PCDH15: variants seen among roughly 807,000 people sequenced by gnomAD.
PCDH15 encodes the protein protocadherin related 15.
Under a neutral mutation model 178.5 loss-of-function variants are expected in PCDH15, and 129 were observed. The observed-to-expected ratio is 0.72, with a 90% confidence interval of 0.63 to 0.84. The LOEUF (loss-of-function observed/expected upper bound fraction) is 0.84, where lower values mean the gene tolerates loss of function less well. Among genes scored for constraint, PCDH15 ranks in the 40% least tolerant of loss-of-function variants. The pLI is 0.00. For missense variants in PCDH15, 2,230 were observed against 2,099.9 expected (o/e 1.06, Z -1.21); for synonymous variants, 800 against 732.0 (o/e 1.09, Z -1.50).
At chr10:54,711,057 T>C (rs1395637375) in intron 1 of PCDH15, among the ~76,000 whole-genome samples, 1 of 151,996 alleles carries the variant, frequency 6.6e-6, no homozygotes, top group Non-Finnish European at 1.5e-5. Context: ...AGCAATGTTT[T>C]AGGTTTATTT....
chr10:54,527,818 G>C lies in PCDH15; in HGVS notation c.151C>G (p.Arg51Gly). The C allele has an allele frequency of 6.2e-7, 1 of 1,608,500 alleles. No individual in the cohort carries two copies. Among genetic ancestry groups the C allele is most frequent in the East Asian group, 2.2e-5 (1 of 44,766 alleles). ...ATIVAIDEES[R>G]NGTILVDNML... ...AAATAAAAAACTCACTTACCATTCC[G>C]ACTTTCTTCATCAATAGCAACTATG... Residue 51 changes from arginine (R) to glycine (G), a missense_variant, in exon 3 of 38, where the codon CGG becomes GGG. Coordinates refer to ENST00000644397, the MANE Select transcript of PCDH15 (RefSeq NM_001384140.1).
intron 3 of PCDH15, among the ~76,000 whole-genome samples, chr10:54,855,316 C>T (rs73256033): frequency 0.077 from 11,727 of 152,232 alleles, 533 homozygotes; most frequent in South Asian, 0.12. Context: ...GATGGGACTC[C>T]TGCTTGCTCT....
intron 1 of PCDH15, among the ~76,000 whole-genome samples, chr10:54,793,577 AAAAT>A (rs1451384904): frequency 1.3e-5 from 2 of 151,614 alleles, no homozygotes; most frequent in Non-Finnish European, 2.9e-5. Flanking sequence ...TAATGATAGA[AAAAT>A]AAAAAATTAG....
chr10:54,576,772 C>T (rs553754002), intron 2 of PCDH15, among the ~76,000 whole-genome samples: 3 of 152,226 alleles, frequency 2.0e-5, no homozygotes, highest in East Asian at 3.9e-4. Context: ...AGTAATACAT[C>T]AGATTATTTG....
chr10:55,385,336 T>C (rs1837629854), intron 2 of PCDH15, among the ~76,000 whole-genome samples: 3 of 152,000 alleles, frequency 2.0e-5, no homozygotes, highest in Non-Finnish European at 4.4e-5. Flanking sequence ...GAAAGATAGA[T>C]TATGATTCCT....
At chr10:54,103,122 C>T (rs1481768290) in intron 15 of PCDH15, among the ~76,000 whole-genome samples, 1 of 152,330 alleles carries the variant, frequency 6.6e-6, no homozygotes, top group East Asian at 1.9e-4. Context: ...GGTCTGTAAA[C>T]TGGCTCAACT....
At chr10:55,220,792 A>T (rs1272754175) in intron 1 of PCDH15, among the ~76,000 whole-genome samples, 1 of 152,044 alleles carries the variant, frequency 6.6e-6, no homozygotes, top group Non-Finnish European at 1.5e-5. Context: ...TATAAAAATC[A>T]TATATATTTG....
At chr10:54,414,057 A>T (rs1674706916) in intron 3 of PCDH15, among the ~76,000 whole-genome samples, 1 of 152,180 alleles carries the variant, frequency 6.6e-6, no homozygotes, top group Admixed American at 6.5e-5. Context: ...ATGACAAAAC[A>T]ACACTTGTAC....
At chr10:54,062,242 A>AC (rs2094036730) in intron 18 of PCDH15, among the ~76,000 whole-genome samples, 2 of 124,696 alleles carry the variant, frequency 1.6e-5, no homozygotes, top group Admixed American at 8.4e-5. Flanking sequence ...AAAAAAAAAA[A>AC]AAAAAAAAAA....
At chr10:54,478,673 T>C (rs1306628298) in intron 3 of PCDH15, among the ~76,000 whole-genome samples, 2 of 152,146 alleles carry the variant, frequency 1.3e-5, no homozygotes, top group Non-Finnish European at 2.9e-5. Context: ...ATTCCATCTC[T>C]TTCCATCTGG....
chr10:54,550,803 T>A (rs1365006183), intron 2 of PCDH15, among the ~76,000 whole-genome samples: 1 of 152,162 alleles, frequency 6.6e-6, no homozygotes, highest in Non-Finnish European at 1.5e-5. Flanking sequence ...GCATTCAATA[T>A]TTGTTGGATG....
At chr10:55,506,641 G>A (rs925350456) in intron 2 of PCDH15, among the ~76,000 whole-genome samples, 6 of 151,582 alleles carry the variant, frequency 4.0e-5, no homozygotes, top group East Asian at 2.0e-4. Context: ...TTGAAAACTC[G>A]ACACTTTATT....
intron 2 of PCDH15, among the ~76,000 whole-genome samples, chr10:55,365,527 C>A (rs570005784): frequency 6.6e-6 from 1 of 152,004 alleles, no homozygotes. Context: ...TGTTCACACC[C>A]AAATCTCATC....
intron 2 of PCDH15, among the ~76,000 whole-genome samples, chr10:55,581,539 T>C (rs1842614439): frequency 6.6e-6 from 1 of 152,104 alleles, no homozygotes; most frequent in Admixed American, 6.6e-5. Flanking sequence ...TGCTTTTCTT[T>C]TCTGCACATA....
chr10:55,070,877 A>AT (rs1841722048), intron 2 of PCDH15, among the ~76,000 whole-genome samples: 1 of 152,036 alleles, frequency 6.6e-6, no homozygotes, highest in African/African-American at 2.4e-5. Flanking sequence ...CAGTATGGCC[A>AT]TTTTCACGAT....
chr10:54,588,938 T>C (rs906897300), intron 2 of PCDH15, among the ~76,000 whole-genome samples: 1 of 152,240 alleles, frequency 6.6e-6, no homozygotes, highest in East Asian at 1.9e-4. Context: ...AATGGTGATA[T>C]TAAAAACATG....
intron 2 of PCDH15, among the ~76,000 whole-genome samples, chr10:55,509,134 T>A (rs1362275238): frequency 6.6e-6 from 1 of 151,740 alleles, no homozygotes; most frequent in Non-Finnish European, 1.5e-5. Context: ...CCAACCAATC[T>A]GTCGAGGTAT....
At chr10:54,499,554 A>T (rs1449029780) in intron 3 of PCDH15, among the ~76,000 whole-genome samples, 1 of 152,164 alleles carries the variant, frequency 6.6e-6, no homozygotes, top group Non-Finnish European at 1.5e-5. Flanking sequence ...AAATTAAACA[A>T]CTTGCTCCTG....
At chr10:54,669,396 T>C (rs1048599823) in intron 1 of PCDH15, among the ~76,000 whole-genome samples, 2 of 151,204 alleles carry the variant, frequency 1.3e-5, no homozygotes, top group African/African-American at 2.4e-5. Flanking sequence ...TTGATATTTA[T>C]TGACAATTTT....
Sources: allele counts gnomAD v4.1 joint callset (sites outside exome capture counted in the v4.1 genomes callset), GRCh38; gene constraint gnomAD v4.1.1; transcripts MANE v1.5; gene names NCBI Gene and HGNC (gene_info 2026-07-23, HGNC 2026-07-21).